The following ZNF160 variants were observed in gnomAD, a reference collection of about 807,000 sequenced individuals.
ZNF160 encodes the protein zinc finger protein 160, also known as KRAB zinc finger protein KR18.
A neutral mutation model predicts 13.1 loss-of-function variants in ZNF160; 9 were observed. The observed-to-expected ratio is 0.69, with a 90% CI of 0.41 to 1.20. ZNF160 has a LOEUF of 1.20. Ranked by LOEUF, ZNF160 falls within the 50% of genes most tolerant of loss-of-function variation. The pLI is 0.01. For missense variants in ZNF160, 838 were observed against 988.0 expected (o/e 0.85, Z 2.04); for synonymous variants, 293 against 333.2 (o/e 0.88, Z 1.31).
chr19:53,075,752 G>C (rs1220606092), intron 3 of ZNF160: 1 of 518,928 alleles, frequency 1.9e-6, no homozygotes, highest in South Asian at 1.4e-5. Context: ...GTAAATATAA[G>C]TGTTTCCCTG....
intron 5 of ZNF160, among the ~76,000 whole-genome samples, chr19:53,072,307 G>A (rs2084210509): frequency 1.3e-5 from 2 of 152,040 alleles, no homozygotes; most frequent in Admixed American, 6.6e-5. Flanking sequence ...TCACCATGTT[G>A]GTCGGGCCGG....
chr19:53,066,855 TCAC>T lies in ZNF160; in HGVS notation c.*1219_*1221del, dbSNP rs899467823. 5.9e-5 allele frequency: 9 copies of T among 152,192 alleles called. No individual in the cohort carries two copies. The highest frequency in any genetic ancestry group is 2.2e-4 in the African/African-American group (9 of 41,444). The allele number at this position is 152,192 out of a possible 1,614,324, so 9.4% of individuals were successfully genotyped here. On this transcript the variant is annotated 3_prime_UTR_variant, in exon 6 of 6. Transcript: ENST00000683776. ...TGGAGTGCAGTGGCATGATCTTGGC[TCAC>T]CACAACCTCCGCCTCCTGGGTTCAA...
Position 53,069,460 on chromosome 19 carries a change from G to A in ZNF160, c.1074C>T (p.Thr358=), listed in dbSNP as rs1451443050. 1 of 1,613,748 alleles carries A rather than the reference G, an allele frequency of 6.2e-7. No homozygotes were observed. The highest frequency in any genetic ancestry group is 8.5e-7 in the Non-Finnish European group (1 of 1,179,966). ...TTTCTCCAGTATGAATTAACTGATGGGTAGTTAGGTTTGAATGTCCTCTAA... is the reference window on the plus strand; with the variant it reads ...TTTCTCCAGTATGAATTAACTGATGAGTAGTTAGGTTTGAATGTCCTCTAA... The part of the protein sequence containing the change: ...KAFRGHSNLT[T]HQLIHTGEKP... Residue 358 remains threonine, a synonymous_variant, in exon 6 of 6, where the codon ACC becomes ACT. Coordinates refer to ENST00000683776, the MANE Select transcript of ZNF160 (RefSeq NM_001322131.2). This position sits in a 1 kb window ranked among gnomAD's most constrained non-coding sequence, Gnocchi z 4.4.
In ZNF160 at chr19:53,085,691, G is replaced by A. The variant is rs941056671; in HGVS notation, c.15+571C>T. Reference sequence around the variant, plus strand: ...AATCTTGTTACACATTTATGTTGACGTCATACATTAAAATGGATGATGGAA... The same window carrying A: ...AATCTTGTTACACATTTATGTTGACATCATACATTAAAATGGATGATGGAA... On this transcript the variant is annotated intron_variant, in intron 3 of 5. Transcript: ENST00000683776. The A allele has an allele frequency of 4.0e-5, 10 of 248,708 alleles. No individual in the cohort carries two copies. The East Asian group carries it at 5.8e-4, about 14-fold the overall frequency. 15.4% of individuals were successfully genotyped at this position (248,708 alleles called of 1,614,324 possible). A position where few individuals can be genotyped will look rare whatever the true frequency, so the allele number is the denominator to read the frequency against.
chr19:53,096,786 G>A (rs2013185), intron 1 of ZNF160, among the ~76,000 whole-genome samples: 4,203 of 125,448 alleles, frequency 0.034, 1,025 homozygotes, highest in African/African-American at 0.12. Flanking sequence ...TCACCCGCCT[G>A]GGGAAGCATT....
intron 5 of ZNF160, among the ~76,000 whole-genome samples, chr19:53,071,725 C>T (rs943892754): frequency 3.9e-5 from 6 of 151,912 alleles, no homozygotes; most frequent in East Asian, 1.9e-4. Context: ...AAAACACTCA[C>T]GTTGTGAATC....
chr19:53,100,598 A>G (rs570735492), intron 1 of ZNF160, among the ~76,000 whole-genome samples: 1 of 151,774 alleles, frequency 6.6e-6, no homozygotes, highest in East Asian at 2.0e-4. Context: ...CGACAGAGCG[A>G]GACTCCGTCT....
At chr19:53,096,887 C>G (rs2085259248) in intron 1 of ZNF160, among the ~76,000 whole-genome samples, 1 of 123,224 alleles carries the variant, frequency 8.1e-6, no homozygotes, top group Non-Finnish European at 1.7e-5. Context: ...ACTCCTTTCC[C>G]TAAATGTGAC....
Position 53,069,328 on chromosome 19 carries a change from G to A in ZNF160, c.1206C>T (p.Cys402=), listed in dbSNP as rs753374241. The A allele has an allele frequency of 1.9e-5, 30 of 1,612,910 alleles. No homozygotes were observed. The highest frequency in any genetic ancestry group is 3.3e-5 in the South Asian group (3 of 90,984). ...TTGAACGAACACTAAAGGCTTTGCCGCACTCATTGCACTTGTAAGGTTTCT... is the reference window on the plus strand; with the variant it reads ...TTGAACGAACACTAAAGGCTTTGCCACACTCATTGCACTTGTAAGGTTTCT... The part of the protein sequence containing the change: ...TGEKPYKCNE[C]GKAFSVRSSL... Residue 402 remains cysteine, a synonymous_variant, in exon 6 of 6, where the codon TGC becomes TGT. Coordinates refer to ENST00000683776, the MANE Select transcript of ZNF160 (RefSeq NM_001322131.2). The surrounding 1 kb of genome is among the most constrained non-coding windows in gnomAD (Gnocchi z 4.4).
At chr19:53,097,806 C>T (rs1359683712) in intron 1 of ZNF160, among the ~76,000 whole-genome samples, 1 of 152,220 alleles carries the variant, frequency 6.6e-6, no homozygotes, top group Admixed American at 6.5e-5. Context: ...TATCTTTCCT[C>T]TATGGGTTTC....
chr19:53,075,890 C>T (rs1475453630), intron 3 of ZNF160: 20 of 502,950 alleles, frequency 4.0e-5, no homozygotes, highest in Non-Finnish European at 6.0e-5. Context: ...AATGTGTGTG[C>T]GCTGTTGTGG....
At chr19:53,075,525 C>T (rs768183422) in intron 3 of ZNF160, 9 of 352,728 alleles carry the variant, frequency 2.6e-5, no homozygotes, top group Non-Finnish European at 4.4e-5. Context: ...AGCCTCTGTC[C>T]TCTCGGGAGG....
chr19:53,088,742 T>A (rs1054858511), intron 2 of ZNF160, among the ~76,000 whole-genome samples: 8 of 152,116 alleles, frequency 5.3e-5, no homozygotes, highest in African/African-American at 9.7e-5. Context: ...TAACACAGAA[T>A]ATTTCACCTC....
chr19:53,077,661 T>TC (rs1443175808), intron 3 of ZNF160, among the ~76,000 whole-genome samples: 2 of 96,352 alleles, frequency 2.1e-5, no homozygotes, highest in Non-Finnish European at 3.8e-5. Context: ...AGAGTGAGAC[T>TC]CCATCTCAAA....
chr19:53,084,594 G>C lies in ZNF160; in HGVS notation c.15+1668C>G, dbSNP rs1042444431. Among the ~76,000 whole-genome samples the C allele has an allele frequency of 2.2e-4, 33 of 152,094 alleles. 1 individual carries two copies. The highest frequency in any genetic ancestry group is 4.6e-4 in the Admixed American group (7 of 15,274). ...ATACAACACAGCTCCTGAATTCCAG[G>C]AACAGAAAATGGAGCAAAGTATAAA... On this transcript the variant is annotated intron_variant, in intron 3 of 5. Coordinates refer to ENST00000683776, the MANE Select transcript of ZNF160 (RefSeq NM_001322131.2).
At position 53,103,256 on chromosome 19, in the gene ZNF160, C is replaced by A. The variant is rs950550209; in HGVS notation, c.-354+9G>T. The A allele has an allele frequency of 6.6e-6, 1 of 152,094 alleles. No individual in the cohort carries two copies. The highest frequency in any genetic ancestry group is 2.4e-5 in the African/African-American group (1 of 41,396). 9.4% of individuals were successfully genotyped at this position (152,094 alleles called of 1,614,324 possible). ...GCGTCTCCGGGCCCACACAGCAAGGCCTATTTACCTGAGGTGGAGGGTGCG... is the reference window on the plus strand; with the variant it reads ...GCGTCTCCGGGCCCACACAGCAAGGACTATTTACCTGAGGTGGAGGGTGCG... On this transcript the variant is annotated intron_variant, in intron 1 of 5. Transcript: ENST00000683776.
chr19:53,088,019 G>A (rs185153124), intron 2 of ZNF160, among the ~76,000 whole-genome samples: 61 of 152,302 alleles, frequency 4.0e-4, no homozygotes, highest in Non-Finnish European at 7.5e-4. Flanking sequence ...TGAGAAGTAC[G>A]GAAAGGCAGT....
At chr19:53,075,377 TGG>T in intron 3 of ZNF160, 194 bp from the exon 4 acceptor site, 1 of 617,540 alleles carries the variant, frequency 1.6e-6, no homozygotes, top group South Asian at 2.0e-5. Context: ...TTGAAATCAG[TGG>T]AGTGATAAGT....
Position 53,091,739 on chromosome 19 carries a change from A to T in ZNF160, c.-353-19T>A, listed in dbSNP as rs555927574. On this transcript the variant is annotated intron_variant, in intron 1 of 5. Transcript: ENST00000683776. ...AACGTTTCTGCAATTAAAATTAAGC[A>T]TTTAAAGAAATGCTGTAACTGAATG... 2.0e-5 allele frequency: 3 copies of T among 152,240 alleles called. No individual in the cohort carries two copies. The highest frequency in any genetic ancestry group is 4.4e-5 in the Non-Finnish European group (3 of 68,042). The allele number at this position is 152,240 out of a possible 1,614,324, so 9.4% of individuals were successfully genotyped here.
Sources: gnomAD v4.1 joint callset for allele counts (sites outside exome capture counted in the v4.1 genomes callset) on GRCh38, gnomAD v4.1.1 for gene constraint, Gnocchi (gnomAD v3.1) non-coding constraint, MANE v1.5 for transcripts, NCBI Gene and HGNC (gene_info 2026-07-23, HGNC 2026-07-21) for gene names.